The following KDELR2 variants were observed in gnomAD, a reference collection of about 807,000 sequenced individuals.
KDELR2 encodes the protein ER lumen protein-retaining receptor 2.
In KDELR2, 15 loss-of-function variants were observed where a neutral mutation model predicts 23.9. The observed-to-expected ratio is 0.63, with a 90% CI of 0.42 to 0.97. The LOEUF (loss-of-function observed/expected upper bound fraction) is 0.97, where lower values mean the gene tolerates loss of function less well. KDELR2 is among the 50% of genes least tolerant of loss of function. The pLI is 0.00. For synonymous variants in KDELR2, 119 were observed against 106.2 expected, an observed-to-expected ratio of 1.12 and a Z score of -0.74; for missense variants, 272 against 254.6, an observed-to-expected ratio of 1.07 and a Z score of -0.46.
intron 1 of KDELR2, among the ~76,000 whole-genome samples, chr7:6,483,429 G>C (rs147782569): frequency 6.6e-6 from 1 of 152,296 alleles, no homozygotes; most frequent in Non-Finnish European, 1.5e-5. Flanking sequence ...ACCACACCTA[G>C]AGCCCGGTCT....
intron 1 of KDELR2, among the ~76,000 whole-genome samples, 200 bp from the exon 2 acceptor site, chr7:6,474,484 C>G (rs1464099649): frequency 6.6e-6 from 1 of 152,106 alleles, no homozygotes; most frequent in Non-Finnish European, 1.5e-5. Context: ...TTGGGAGGCT[C>G]TAACAGGCTT....
chr7:6,471,073 C>T (rs1020497493), intron 2 of KDELR2, among the ~76,000 whole-genome samples: 4 of 149,098 alleles, frequency 2.7e-5, no homozygotes, highest in East Asian at 2.0e-4. Context: ...GCCGAGATCT[C>T]GCCACTGCAC....
At chr7:6,467,837 T>C (rs907215086) in intron 3 of KDELR2, among the ~76,000 whole-genome samples, 1 of 152,088 alleles carries the variant, frequency 6.6e-6, no homozygotes, top group Admixed American at 6.6e-5. Context: ...GGCCCCAGGA[T>C]GTGAAGCAGC....
chr7:6,482,080 G>A (rs888156728), intron 1 of KDELR2, among the ~76,000 whole-genome samples: 56 of 151,986 alleles, frequency 3.7e-4, no homozygotes, highest in African/African-American at 1.3e-3. Context: ...TCAGCTCACC[G>A]CAATCTCCGC....
intron 1 of KDELR2, among the ~76,000 whole-genome samples, chr7:6,479,884 G>C (rs1259035853): frequency 6.6e-6 from 1 of 152,220 alleles, no homozygotes; most frequent in Non-Finnish European, 1.5e-5. Context: ...TCAGAGACTG[G>C]CACTCAAAAG....
At chr7:6,465,993 G>A in intron 4 of KDELR2, 78 bp downstream of exon 4, 2 of 1,480,400 alleles carry the variant, frequency 1.4e-6, no homozygotes, top group Non-Finnish European at 1.9e-6. Flanking sequence ...GAGAGTGCCA[G>A]ATTAGAAGAG....
chr7:6,471,066 G>T (rs1200878319), intron 2 of KDELR2, among the ~76,000 whole-genome samples: 2 of 149,360 alleles, frequency 1.3e-5, no homozygotes, highest in Non-Finnish European at 3.0e-5. Context: ...GCAGTGTGCC[G>T]AGATCTCGCC....
chr7:6,477,748 C>A (rs1156327675), intron 1 of KDELR2, among the ~76,000 whole-genome samples: 1 of 152,164 alleles, frequency 6.6e-6, no homozygotes, highest in Non-Finnish European at 1.5e-5. Flanking sequence ...GCCTTGACCT[C>A]CTAGGCTCAA....
intron 2 of KDELR2, among the ~76,000 whole-genome samples, chr7:6,471,763 T>C (rs1583318190): frequency 6.6e-6 from 1 of 152,142 alleles, no homozygotes; most frequent in Non-Finnish European, 1.5e-5. Flanking sequence ...GAAGGACAGG[T>C]GGTTTCTAAT....
At chr7:6,463,332 A>G (rs926275957) in intron 4 of KDELR2, among the ~76,000 whole-genome samples, 157 bp from the exon 5 acceptor site, 2 of 152,254 alleles carry the variant, frequency 1.3e-5, no homozygotes, top group Non-Finnish European at 2.9e-5. Context: ...AATTTGATTG[A>G]AAGTGCCACT....
At chr7:6,482,631 G>A in intron 1 of KDELR2, 1 of 460,668 alleles carries the variant, frequency 2.2e-6, no homozygotes, top group South Asian at 1.6e-5. Context: ...GACTTTAGAC[G>A]CCAAAATTTT....
intron 1 of KDELR2, among the ~76,000 whole-genome samples, chr7:6,483,700 C>A (rs1319412386): frequency 6.6e-6 from 1 of 152,234 alleles, no homozygotes; most frequent in Non-Finnish European, 1.5e-5. Flanking sequence ...ACAGCAGGGC[C>A]CCGCGCAGCC....
intron 1 of KDELR2, 69 bp downstream of exon 1, chr7:6,483,898 G>A: frequency 1.6e-6 from 2 of 1,258,662 alleles, no homozygotes; most frequent in Non-Finnish European, 2.1e-6. Flanking sequence ...GGGTGGCCGA[G>A]GTCGGCGGGT....
At chr7:6,475,453 G>A (rs1785731985) in intron 1 of KDELR2, among the ~76,000 whole-genome samples, 2 of 152,150 alleles carry the variant, frequency 1.3e-5, no homozygotes, top group Admixed American at 6.5e-5. Flanking sequence ...CAATAAAATA[G>A]AAATTCCATT....
intron 2 of KDELR2, among the ~76,000 whole-genome samples, chr7:6,472,099 G>C (rs762946907): frequency 6.6e-6 from 1 of 152,090 alleles, no homozygotes; most frequent in Non-Finnish European, 1.5e-5. Flanking sequence ...CACCATGTTG[G>C]CCAGGATGGT....
chr7:6,472,686 T>C (rs1157260326), intron 2 of KDELR2, among the ~76,000 whole-genome samples: 4 of 152,182 alleles, frequency 2.6e-5, no homozygotes, highest in Admixed American at 2.6e-4. Context: ...CTTTCAACAG[T>C]GCTTATGAAA....
rs772650483 is a variant in KDELR2, at chr7:6,463,194, GAAAAGAA to G, written c.605-26_605-20del. On this transcript the variant is annotated intron_variant, in intron 4 of 4. Coordinates refer to ENST00000258739, the MANE Select transcript of KDELR2 (RefSeq NM_006854.4). ...TTGAGTACTAGAATTTCAAAGAGAA[GAAAAGAA>G]AACAAAAGGTTACTGATATTGACAA... is the stretch of plus-strand genomic sequence containing the variant. The G allele has an allele frequency of 6.3e-7, 1 of 1,599,516 alleles. No homozygotes were observed. The highest frequency in any genetic ancestry group is 1.7e-5 in the Admixed American group (1 of 57,314).
chr7:6,482,945 G>A (rs967138166), intron 1 of KDELR2, among the ~76,000 whole-genome samples: 4 of 151,228 alleles, frequency 2.6e-5, no homozygotes, highest in Non-Finnish European at 5.9e-5. Context: ...GGTAGAGGCT[G>A]CAGTGAGCAG....
chr7:6,466,877 G>A (rs1785514366), intron 3 of KDELR2, among the ~76,000 whole-genome samples: 1 of 152,072 alleles, frequency 6.6e-6, no homozygotes, highest in Non-Finnish European at 1.5e-5. Context: ...GTGAGTGATG[G>A]GGAGCAGCTA....
Sources: allele counts gnomAD v4.1 joint callset (sites outside exome capture counted in the v4.1 genomes callset), GRCh38; gene constraint gnomAD v4.1.1; transcripts MANE v1.5; gene names NCBI Gene and HGNC (gene_info 2026-07-23, HGNC 2026-07-21).